Variants in NDUFAF5 observed in about 807,000 individuals in gnomAD.
NDUFAF5 encodes arginine-hydroxylase NDUFAF5, mitochondrial.
NDUFAF5 carries 34 observed loss-of-function variants against 48.9 expected under a neutral mutation model. That is an observed-to-expected ratio of 0.70 (90% confidence interval 0.53 to 0.93). The LOEUF is 0.93. NDUFAF5 is among the 40% of genes least tolerant of loss of function. The pLI, the probability that NDUFAF5 is intolerant of heterozygous loss-of-function variation, is 0.00. For synonymous variants in NDUFAF5, 153 were observed against 150.6 expected (o/e 1.02, Z -0.12); for missense variants, 428 against 427.5 (o/e 1.00, Z -0.01).
intron 6 of NDUFAF5, among the ~76,000 whole-genome samples, chr20:13,800,327 ATTTAC>A (rs955200325): frequency 6.6e-6 from 1 of 152,236 alleles, no homozygotes; most frequent in Non-Finnish European, 1.5e-5. Context: ...TTTACAAATT[ATTTAC>A]TTAATACTGC....
chr20:13,807,695 G>A (rs2147588439), intron 7 of NDUFAF5, among the ~76,000 whole-genome samples: 1 of 151,954 alleles, frequency 6.6e-6, no homozygotes. Context: ...TGGAATCCCA[G>A]CACTTTGGGA....
rs555424697 is a variant in NDUFAF5 at position 13,818,529 on chromosome 20, G to A, written c.*1319G>A. 1.6e-5 allele frequency: 5 copies of A among 315,400 alleles called. No individual in the cohort carries two copies. Among genetic ancestry groups the A allele is most frequent in the Non-Finnish European group, 2.4e-5 (4 of 164,694 alleles). The allele number at this position is 315,400 out of a possible 1,614,324, so 19.5% of individuals were successfully genotyped here. ...AACTGCGCTAGCCAGGTGCAATGGC[G>A]CATGCCTGTAGTCCCAGCTACTTGG... On this transcript the variant is annotated 3_prime_UTR_variant, in exon 11 of 11. Transcript: ENST00000378106.
rs1364696372 is a variant in NDUFAF5, at chr20:13,785,302, G to A, written c.222+12G>A. The A allele has an allele frequency of 2.1e-6, 2 of 971,250 alleles. No individual in the cohort carries two copies. Among genetic ancestry groups the A allele is most frequent in the Non-Finnish European group, 1.5e-6 (1 of 670,724 alleles). The allele number at this position is 971,250 out of a possible 1,614,324, so 60.2% of individuals were successfully genotyped here. On this transcript the variant is annotated intron_variant, in intron 1 of 10. Coordinates refer to ENST00000378106, the MANE Select transcript of NDUFAF5 (RefSeq NM_024120.5). ...ACCTGAAGGAGGAGGTGAGCCCGCGGGGCGGCGGGGCGGCGGGGCGGGCGA... is the reference window on the plus strand; with the variant it reads ...ACCTGAAGGAGGAGGTGAGCCCGCGAGGCGGCGGGGCGGCGGGGCGGGCGA...
intron 6 of NDUFAF5, among the ~76,000 whole-genome samples, chr20:13,798,980 G>A (rs762146397): frequency 5.9e-5 from 9 of 152,152 alleles, no homozygotes; most frequent in African/African-American, 2.2e-4. Context: ...GGCTTGACAT[G>A]GCCTAGAAAA....
In NDUFAF5 at chr20:13,809,245, G is replaced by A. The variant is rs117568229; in HGVS notation, c.778+343G>A. ...CTTGAGGATGATGGAACACATTGGT[G>A]ACTTCCTTCAGCCACACTTGGCAGC... On this transcript the variant is annotated intron_variant, in intron 8 of 10. Transcript: ENST00000378106. Among the ~76,000 whole-genome samples the A allele has an allele frequency of 4.0e-3, 613 of 152,334 alleles. 1 individual carries two copies. The highest frequency in any genetic ancestry group is 0.012 in the East Asian group (62 of 5,194).
intron 6 of NDUFAF5, among the ~76,000 whole-genome samples, chr20:13,800,725 T>A (rs1031092734): frequency 3.3e-5 from 5 of 152,218 alleles, no homozygotes; most frequent in Admixed American, 1.3e-4. Flanking sequence ...AAACAACAAC[T>A]ATGTAGCCCA....
At chr20:13,807,592 A>G (rs941826553) in intron 7 of NDUFAF5, among the ~76,000 whole-genome samples, 10 of 151,892 alleles carry the variant, frequency 6.6e-5, no homozygotes, top group African/African-American at 9.7e-5. Context: ...ATTTTATAGA[A>G]TACATATTCT....
chr20:13,796,170 A>G (rs1249273873), intron 5 of NDUFAF5, among the ~76,000 whole-genome samples: 3 of 152,204 alleles, frequency 2.0e-5, no homozygotes, highest in East Asian at 3.9e-4. Flanking sequence ...TGTGCCCAGG[A>G]CTTTGCCACT....
chr20:13,788,284 T>C (rs1355876066), intron 2 of NDUFAF5, among the ~76,000 whole-genome samples: 1 of 152,236 alleles, frequency 6.6e-6, no homozygotes, highest in Non-Finnish European at 1.5e-5. Flanking sequence ...TTAGCTTCTT[T>C]GCATTCTTTA....
intron 1 of NDUFAF5, 64 bp from the exon 2 acceptor site, chr20:13,787,248 A>G (rs912937611): frequency 6.6e-7 from 1 of 1,519,846 alleles, no homozygotes; most frequent in Non-Finnish European, 9.1e-7. Context: ...TAACTTGTGG[A>G]TTGTTGAATA....
At chr20:13,805,033 T>A (rs1010700161) in intron 7 of NDUFAF5, among the ~76,000 whole-genome samples, 4 of 152,130 alleles carry the variant, frequency 2.6e-5, no homozygotes, top group Non-Finnish European at 5.9e-5. Context: ...ATGGAAAAAA[T>A]TTCCTTTACA....
intron 7 of NDUFAF5, among the ~76,000 whole-genome samples, chr20:13,803,669 A>G (rs1156429903): frequency 6.6e-6 from 1 of 152,250 alleles, no homozygotes; most frequent in East Asian, 1.9e-4. Flanking sequence ...GTCAGTATTC[A>G]CTATATTAGA....
In NDUFAF5 at chr20:13,818,482, G is replaced by A; in HGVS notation, c.*1272G>A. 2.9e-6 allele frequency: 1 copy of A among 342,150 alleles called. No individual in the cohort carries two copies. Among genetic ancestry groups the A allele is most frequent in the East Asian group, 7.8e-5 (1 of 12,750 alleles). 21.2% of individuals were successfully genotyped at this position (342,150 alleles called of 1,614,324 possible). A position where few individuals can be genotyped will look rare whatever the true frequency, so the allele number is the denominator to read the frequency against. On this transcript the variant is annotated 3_prime_UTR_variant, in exon 11 of 11. Coordinates refer to ENST00000378106, the MANE Select transcript of NDUFAF5 (RefSeq NM_024120.5). ...TAGCTTAATTTTCAGAACTTGAAGA[G>A]AGAGAACAACAACAAAAAACAAACT...
Position 13,801,595 on chromosome 20 carries a change from G to A in NDUFAF5, c.629G>A (p.Gly210Glu). Reference sequence around the variant, plus strand: ...CAGTTAGCGGAAACGGAAAGGGAAGGAGGATTTTCTCCACACATTTCTCCT... The same window carrying A: ...CAGTTAGCGGAAACGGAAAGGGAAGAAGGATTTTCTCCACACATTTCTCCT... ...SLQLAETERE[G>E]GFSPHISPFT... Residue 210 changes from glycine to glutamate, a missense_variant, in exon 7 of 11, where the codon GGA (glycine) becomes GAA (glutamate). Physicochemically the swap from Gly to Glu is moderately conservative, Grantham distance 98. Coordinates refer to ENST00000378106, the MANE Select transcript of NDUFAF5 (RefSeq NM_024120.5). The A allele has an allele frequency of 6.2e-7, 1 of 1,614,054 alleles. No individual in the cohort carries two copies. The highest frequency in any genetic ancestry group is 1.3e-5 in the African/African-American group (1 of 75,026).
chr20:13,819,043 TTAAG>T lies in NDUFAF5; in HGVS notation c.*1837_*1840del, dbSNP rs1311014918. 6.6e-6 allele frequency: 1 copy of T among 152,220 alleles called. No individual in the cohort carries two copies. Among genetic ancestry groups the T allele is most frequent in the Non-Finnish European group, 1.5e-5 (1 of 68,040 alleles). 9.4% of individuals were successfully genotyped at this position (152,220 alleles called of 1,614,324 possible). On this transcript the variant is annotated 3_prime_UTR_variant, in exon 11 of 11. Transcript: ENST00000378106. ...AAAAAGCTCCATTTGTTTAAAAAAA[TTAAG>T]TAAATCAAACACAGCTAATTGAGGA...
chr20:13,818,117 TCA>T lies in NDUFAF5; in HGVS notation c.*908_*909del, dbSNP rs1368469340. 2.2e-6 allele frequency: 1 copy of T among 454,028 alleles called. No individual in the cohort carries two copies. Among genetic ancestry groups the T allele is most frequent in the African/African-American group, 2.0e-5 (1 of 50,016 alleles). 28.1% of individuals were successfully genotyped at this position (454,028 alleles called of 1,614,324 possible). A position where few individuals can be genotyped will look rare whatever the true frequency, so the allele number is the denominator to read the frequency against. On this transcript the variant is annotated 3_prime_UTR_variant, in exon 11 of 11. Coordinates refer to ENST00000378106, the MANE Select transcript of NDUFAF5 (RefSeq NM_024120.5). ...TAATAGCATTTCCTTCTGTCTCCTC[TCA>T]GTCTCTCTTCTGCCTTCCTTCCCTC...
At chr20:13,793,468 C>T (rs139156540) in intron 4 of NDUFAF5, among the ~76,000 whole-genome samples, 1 of 152,168 alleles carries the variant, frequency 6.6e-6, no homozygotes, top group African/African-American at 2.4e-5. Flanking sequence ...CCCCGCCCCC[C>T]CAACACACAA....
chr20:13,803,006 TTGA>T (rs775309993), intron 7 of NDUFAF5: 4 of 152,238 alleles, frequency 2.6e-5, no homozygotes, highest in Non-Finnish European at 5.9e-5. Context: ...TAGGAATTTC[TTGA>T]TGAAGAAAGC....
chr20:13,816,111 T>C, intron 8 of NDUFAF5: 1 of 371,556 alleles, frequency 2.7e-6, no homozygotes, highest in Non-Finnish European at 5.2e-6. Flanking sequence ...GCATGAGATG[T>C]GACATCCTTG....
Sources: allele counts gnomAD v4.1 joint callset (sites outside exome capture counted in the v4.1 genomes callset), GRCh38; gene constraint gnomAD v4.1.1; transcripts MANE v1.5; gene names NCBI Gene and HGNC (gene_info 2026-07-23, HGNC 2026-07-21).